Variants in SERINC5 observed in about 807,000 individuals in gnomAD.
SERINC5 encodes serine incorporator 5.
A neutral mutation model predicts 63.1 loss-of-function variants in SERINC5; 41 were observed. The ratio of observed to expected loss-of-function variants is 0.65; its 90% CI spans 0.51 to 0.84. SERINC5 has a LOEUF of 0.84. SERINC5 is among the 40% of genes least tolerant of loss of function. The pLI is 0.00. For synonymous variants in SERINC5, 222 were observed against 215.2 expected, an observed-to-expected ratio of 1.03 and a Z score of -0.28; for missense variants, 523 against 573.0, an observed-to-expected ratio of 0.91 and a Z score of 0.89.
Position 80,256,027 on chromosome 5 carries a change from G to T in SERINC5, c.-105C>A, listed in dbSNP as rs1752674005. On this transcript the variant is annotated 5_prime_UTR_variant, in exon 1 of 12. Coordinates refer to ENST00000507668, the MANE Select transcript of SERINC5 (RefSeq NM_001174072.3). ...CTGGGCTCAGCCGCAGCTCACACTTGAACGAAGATCAGCCTCGGCGAAGCG... is the reference window on the plus strand; with the variant it reads ...CTGGGCTCAGCCGCAGCTCACACTTTAACGAAGATCAGCCTCGGCGAAGCG... 1.7e-6 allele frequency: 2 copies of T among 1,201,978 alleles called. No homozygotes were observed. The highest frequency in any genetic ancestry group is 3.2e-5 in the African/African-American group (2 of 61,920). The allele number at this position is 1,201,978 out of a possible 1,614,324, so 74.5% of individuals were successfully genotyped here.
chr5:80,233,811 T>C (rs1751564468), intron 1 of SERINC5, among the ~76,000 whole-genome samples: 1 of 137,800 alleles, frequency 7.3e-6, no homozygotes, highest in African/African-American at 2.7e-5. Flanking sequence ...TTTACTTTTT[T>C]TTTTTTTTTT....
At chr5:80,153,703 C>T (rs913264471) in intron 8 of SERINC5, among the ~76,000 whole-genome samples, 16 of 151,794 alleles carry the variant, frequency 1.1e-4, no homozygotes, top group African/African-American at 3.9e-4. Flanking sequence ...CTTTATTGTA[C>T]GGAGAATGCC....
At chr5:80,211,061 T>C (rs1015128507) in intron 1 of SERINC5, among the ~76,000 whole-genome samples, 3 of 152,118 alleles carry the variant, frequency 2.0e-5, no homozygotes, top group African/African-American at 7.2e-5. Flanking sequence ...CTGGATATCC[T>C]TAGCATCCAT....
intron 1 of SERINC5, among the ~76,000 whole-genome samples, chr5:80,221,147 G>A (rs1750884042): frequency 6.6e-6 from 1 of 152,200 alleles, no homozygotes; most frequent in African/African-American, 2.4e-5. Context: ...GGGAGTCTCA[G>A]CCTCCATCCC....
At chr5:80,219,444 C>G (rs191676988) in intron 1 of SERINC5, among the ~76,000 whole-genome samples, 1 of 152,200 alleles carries the variant, frequency 6.6e-6, no homozygotes, top group Non-Finnish European at 1.5e-5. Context: ...CTTCTTCTTC[C>G]ACTTCTAGCT....
At chr5:80,216,439 G>A (rs1024290511) in intron 1 of SERINC5, among the ~76,000 whole-genome samples, 20 of 152,180 alleles carry the variant, frequency 1.3e-4, no homozygotes, top group African/African-American at 4.8e-4. Context: ...ACACAGGAGA[G>A]CATGCTGGCA....
intron 1 of SERINC5, among the ~76,000 whole-genome samples, chr5:80,253,773 TG>T (rs1412649615): frequency 1.3e-5 from 2 of 152,180 alleles, no homozygotes; most frequent in African/African-American, 4.8e-5. Context: ...ATTGTTTACA[TG>T]TTTATGAATG....
chr5:80,241,596 T>TAC (rs1751944730), intron 1 of SERINC5, among the ~76,000 whole-genome samples: 1 of 151,870 alleles, frequency 6.6e-6, no homozygotes, highest in Non-Finnish European at 1.5e-5. Context: ...AGTTACTTGG[T>TAC]AGGCTGAGGC....
chr5:80,118,857 C>G lies in SERINC5; in HGVS notation c.1239-5232G>C, dbSNP rs115327658. Among the ~76,000 whole-genome samples the G allele has an allele frequency of 4.0e-3, 607 of 151,960 alleles. 5 individuals are homozygous for G. Among genetic ancestry groups the G allele is most frequent in the African/African-American group, 0.014 (582 of 41,412 alleles). ...GCATTATAGGTATGAGCCACTGCAC[C>G]CAGCTTCATTCATGAAGGTTCTATC... On this transcript the variant is annotated intron_variant, in intron 11 of 12. Transcript: ENST00000509193.
At chr5:80,122,212 T>TATATATATATATATATATATATATAA (rs777568982) in intron 11 of SERINC5, among the ~76,000 whole-genome samples, 96 of 142,558 alleles carry the variant, frequency 6.7e-4, no homozygotes, top group South Asian at 3.8e-3. Context: ...TATATATATA[T>TATATATATATATATATATATATATAA]AATATGAGTT....
At chr5:80,246,513 A>G (rs1030302905) in intron 1 of SERINC5, among the ~76,000 whole-genome samples, 3 of 152,188 alleles carry the variant, frequency 2.0e-5, no homozygotes, top group South Asian at 2.1e-4. Context: ...AATGCTGTCT[A>G]ATCACTATAT....
chr5:80,227,125 A>AC (rs1028208598), intron 1 of SERINC5, among the ~76,000 whole-genome samples: 9 of 151,944 alleles, frequency 5.9e-5, no homozygotes, highest in African/African-American at 2.2e-4. Context: ...TGAACTCCTG[A>AC]CCTAAGGTGA....
downstream of SERINC5, among the ~76,000 whole-genome samples, chr5:80,111,255 G>A (rs1004219275): frequency 1.3e-5 from 2 of 152,278 alleles, no homozygotes; most frequent in African/African-American, 2.4e-5. Flanking sequence ...ATTAGCCAGC[G>A]ACCGAGAGAC....
chr5:80,224,185 G>A (rs1335341884), intron 1 of SERINC5, among the ~76,000 whole-genome samples: 1 of 151,452 alleles, frequency 6.6e-6, no homozygotes, highest in Non-Finnish European at 1.5e-5. Flanking sequence ...ATGAATCTGG[G>A]CACAGTGGCT....
chr5:80,135,457 G>A (rs1298663503), downstream of SERINC5, among the ~76,000 whole-genome samples: 1 of 152,108 alleles, frequency 6.6e-6, no homozygotes, highest in Non-Finnish European at 1.5e-5. Flanking sequence ...AGGGACCCAA[G>A]AACTAAAAAG....
Position 80,238,388 on chromosome 5 carries a change from C to T in SERINC5, c.27+17508G>A, listed in dbSNP as rs562701189. On this transcript the variant is annotated intron_variant, in intron 1 of 11. Coordinates refer to ENST00000507668, the MANE Select transcript of SERINC5 (RefSeq NM_001174072.3). ...TAAATTCTATCATCCACGCATAGAGCAGAACTTTCTGGAAAATAACTTAAA... is the reference window on the plus strand; with the variant it reads ...TAAATTCTATCATCCACGCATAGAGTAGAACTTTCTGGAAAATAACTTAAA... 2.0e-5 allele frequency among the ~76,000 whole-genome samples: 3 copies of T among 152,250 alleles called. No homozygotes were observed. The East Asian group carries it at 5.8e-4, about 29-fold the overall frequency.
intron 1 of SERINC5, among the ~76,000 whole-genome samples, chr5:80,227,685 G>C (rs1271969289): frequency 1.3e-5 from 2 of 151,852 alleles, no homozygotes; most frequent in African/African-American, 2.4e-5. Flanking sequence ...TCATTTGAAA[G>C]TTAAAAATTC....
At position 80,140,715 on chromosome 5, in the gene SERINC5, A is replaced by G. The variant is rs1039475534; in HGVS notation, c.*2948T>C. On this transcript the variant is annotated 3_prime_UTR_variant, in exon 12 of 12. Transcript: ENST00000507668. ...TAACATGCCGCGGTATGACACTCCCATAAGAACCCCCACCCCCCTGCCACC... is the reference window on the plus strand; with the variant it reads ...TAACATGCCGCGGTATGACACTCCCGTAAGAACCCCCACCCCCCTGCCACC... 6.1e-6 allele frequency: 6 copies of G among 985,156 alleles called. No homozygotes were observed. Among genetic ancestry groups the G allele is most frequent in the East Asian group, 1.1e-4 (1 of 8,830 alleles). The allele number at this position is 985,156 out of a possible 1,614,324, so 61.0% of individuals were successfully genotyped here. A position where few individuals can be genotyped will look rare whatever the true frequency, so the allele number is the denominator to read the frequency against.
intron 1 of SERINC5, among the ~76,000 whole-genome samples, chr5:80,224,390 T>C (rs1751072038): frequency 8.3e-6 from 1 of 120,344 alleles, no homozygotes; most frequent in African/African-American, 2.9e-5. Flanking sequence ...AGTGAGAGGA[T>C]CCCTTGAGCC....
Sources: gnomAD v4.1 joint callset for allele counts (sites outside exome capture counted in the v4.1 genomes callset) on GRCh38, gnomAD v4.1.1 for gene constraint, MANE v1.5 for transcripts, NCBI Gene and HGNC (gene_info 2026-07-23, HGNC 2026-07-21) for gene names.